Variants in ATF6 observed in about 807,000 individuals in gnomAD.
ATF6 encodes the protein activating transcription factor 6, also known as cyclic AMP-dependent transcription factor ATF-6 alpha.
Under a neutral mutation model 83.6 loss-of-function variants are expected in ATF6, and 53 were observed. That is an observed-to-expected ratio of 0.63 (90% CI 0.51 to 0.80). The LOEUF (loss-of-function observed/expected upper bound fraction) is 0.80. Among genes scored for constraint, ATF6 ranks in the 30% least tolerant of loss-of-function variants. The pLI, the probability that ATF6 is intolerant of heterozygous loss-of-function variation, is 0.00. For synonymous variants in ATF6, 288 were observed against 285.8 expected (o/e 1.01, Z -0.08); for missense variants, 744 against 797.9 (o/e 0.93, Z 0.81).
chr1:161,790,058 G>A (rs16845827), intron 4 of ATF6, among the ~76,000 whole-genome samples: 22,091 of 151,706 alleles, frequency 0.15, 2,185 homozygotes, highest in East Asian at 0.31. Context: ...TACCATTTGC[G>A]TTTCCTTTTC....
intron 15 of ATF6, among the ~76,000 whole-genome samples, chr1:161,940,234 C>T (rs1688616894): frequency 6.6e-6 from 1 of 152,168 alleles, no homozygotes; most frequent in Admixed American, 6.5e-5. Context: ...AATCCAACCA[C>T]TTCTCATCAG....
intron 3 of ATF6, among the ~76,000 whole-genome samples, chr1:161,783,128 A>G (rs1371005568): frequency 6.6e-6 from 1 of 152,186 alleles, no homozygotes; most frequent in African/African-American, 2.4e-5. Context: ...GTCTCAGGGT[A>G]GTCAGACTTC....
chr1:161,962,382 A>T lies in ATF6; in HGVS notation c.*3728A>T, dbSNP rs1164092480. 6.6e-6 allele frequency: 1 copy of T among 152,208 alleles called. No homozygotes were observed. The highest frequency in any genetic ancestry group is 1.5e-5 in the Non-Finnish European group (1 of 68,048). The allele number at this position is 152,208 out of a possible 1,614,324, so 9.4% of individuals were successfully genotyped here. A position where few individuals can be genotyped will look rare whatever the true frequency, so the allele number is the denominator to read the frequency against. On this transcript the variant is annotated 3_prime_UTR_variant, in exon 16 of 16. Coordinates refer to ENST00000367942, the MANE Select transcript of ATF6 (RefSeq NM_007348.4). ...GTGTGTATTCCCCGGTAGTCACCGC[A>T]GCGAGATGCTGGTGAGACTGCCGTG...
intron 14 of ATF6, among the ~76,000 whole-genome samples, chr1:161,903,364 T>C (rs1469189053): frequency 1.3e-5 from 2 of 152,150 alleles, no homozygotes; most frequent in Admixed American, 6.6e-5. Context: ...GAGATCATGA[T>C]GGAGAGAGAC....
intron 9 of ATF6, among the ~76,000 whole-genome samples, chr1:161,834,034 T>G (rs1686145047): frequency 1.3e-5 from 2 of 152,168 alleles, no homozygotes; most frequent in South Asian, 4.1e-4. Context: ...CAAAGGGAAG[T>G]CCATCAGACT....
intron 15 of ATF6, among the ~76,000 whole-genome samples, chr1:161,940,709 C>T (rs774883824): frequency 6.6e-6 from 1 of 152,106 alleles, no homozygotes; most frequent in Non-Finnish European, 1.5e-5. Flanking sequence ...CAGGCATGTG[C>T]CACCACACCC....
At chr1:161,875,668 C>G (rs1687202802) in intron 14 of ATF6, among the ~76,000 whole-genome samples, 3 of 151,762 alleles carry the variant, frequency 2.0e-5, no homozygotes, top group African/African-American at 7.2e-5. Context: ...ACATATCTGT[C>G]AGATACCCAA....
At chr1:161,850,542 A>G (rs921510313) in intron 10 of ATF6, among the ~76,000 whole-genome samples, 17 of 152,090 alleles carry the variant, frequency 1.1e-4, no homozygotes, top group Non-Finnish European at 2.4e-4. Context: ...TAGAGTTCGG[A>G]TTATTTTATG....
intron 7 of ATF6, among the ~76,000 whole-genome samples, chr1:161,811,669 C>CCCAT (rs1349395415): frequency 1.3e-5 from 2 of 151,918 alleles, no homozygotes; most frequent in Admixed American, 6.6e-5. Context: ...TACCTACCTA[C>CCCAT]CCATCCATCC....
At chr1:161,829,189 CTTTTTTT>C (rs35619050) in intron 9 of ATF6, among the ~76,000 whole-genome samples, 1,367 of 72,640 alleles carry the variant, frequency 0.019, 27 homozygotes, top group Middle Eastern at 0.042. Flanking sequence ...TAATGGGAGA[CTTTTTTT>C]TTTTTTTTTT....
At chr1:161,926,698 G>A (rs1688318776) in intron 15 of ATF6, among the ~76,000 whole-genome samples, 1 of 152,124 alleles carries the variant, frequency 6.6e-6, no homozygotes, top group Non-Finnish European at 1.5e-5. Flanking sequence ...GGGATCATTT[G>A]GGGGCATCCT....
chr1:161,920,262 A>G (rs536491829), intron 15 of ATF6, among the ~76,000 whole-genome samples: 1 of 143,866 alleles, frequency 7.0e-6, no homozygotes, highest in Non-Finnish European at 1.5e-5. Flanking sequence ...TAAAAAATAC[A>G]TAATCATAGT....
chr1:161,953,968 G>A (rs542766987), intron 15 of ATF6, among the ~76,000 whole-genome samples: 1 of 152,236 alleles, frequency 6.6e-6, no homozygotes, highest in Admixed American at 6.5e-5. Context: ...TCCCATGGAA[G>A]GTTTATAAGA....
At chr1:161,823,516 A>G (rs540670190) in intron 9 of ATF6, among the ~76,000 whole-genome samples, 1 of 152,322 alleles carries the variant, frequency 6.6e-6, no homozygotes, top group East Asian at 1.9e-4. Context: ...TTTTCTTTAC[A>G]TTCTTTCCTC....
At chr1:161,834,821 A>G (rs1388156261) in intron 9 of ATF6, among the ~76,000 whole-genome samples, 1 of 152,192 alleles carries the variant, frequency 6.6e-6, no homozygotes, top group East Asian at 1.9e-4. Context: ...GAAGAAAGAA[A>G]TAGTGAATGG....
chr1:161,922,973 C>T (rs1412622694), intron 15 of ATF6, among the ~76,000 whole-genome samples: 2 of 152,132 alleles, frequency 1.3e-5, no homozygotes, highest in Non-Finnish European at 2.9e-5. Flanking sequence ...TATTTTTGCA[C>T]ATGTGGTGTC....
intron 7 of ATF6, among the ~76,000 whole-genome samples, chr1:161,813,681 TG>T (rs1262806395): frequency 6.6e-6 from 1 of 152,218 alleles, no homozygotes; most frequent in African/African-American, 2.4e-5. Flanking sequence ...AGCACTATTC[TG>T]GTCTAACTCT....
chr1:161,933,498 T>A (rs1688475630), intron 15 of ATF6, among the ~76,000 whole-genome samples: 1 of 152,242 alleles, frequency 6.6e-6, no homozygotes, highest in Admixed American at 6.5e-5. Context: ...TGCTATTGAA[T>A]TTTAGTATTG....
rs1058405 is a variant in ATF6, at chr1:161,781,951, A to T, written c.199A>T (p.Met67Leu). 3.1e-6 allele frequency: 5 copies of T among 1,610,306 alleles called. No homozygotes were observed. In the African/African-American group the frequency reaches 6.7e-5, roughly 22 times the overall value. ...TAATCTTGATTTTGATTTGGATTTG[A>T]TGCCTTGGGAGTCAGACATTTGGGA... Reference protein sequence around the residue: ...FDNLDFDLDLMPWESDIWDIN... With the variant: ...FDNLDFDLDLLPWESDIWDIN... The change falls in exon 3 of 16, where the codon ATG (methionine) becomes TTG (leucine). Residue 67 changes from methionine to leucine, a missense_variant. Transcript: ENST00000367942.
Sources: allele counts gnomAD v4.1 joint callset (sites outside exome capture counted in the v4.1 genomes callset), GRCh38; gene constraint gnomAD v4.1.1; transcripts MANE v1.5; gene names NCBI Gene and HGNC (gene_info 2026-07-23, HGNC 2026-07-21).